The following TENM4 variants were observed in gnomAD, a reference collection of about 807,000 sequenced individuals.
TENM4 encodes the protein teneurin transmembrane protein 4, also known as teneurin-4.
TENM4 carries 82 observed loss-of-function variants against 243.3 expected under a neutral mutation model. That is an observed-to-expected ratio of 0.34 (90% CI 0.28 to 0.40). TENM4 has a LOEUF of 0.40. Ranked by LOEUF, TENM4 falls within the 10% of genes least tolerant of loss-of-function variation. TENM4 has a pLI of 1.00. For synonymous variants in TENM4, 1,412 were observed against 1,456.3 expected, an observed-to-expected ratio of 0.97 and a Z score of 0.69; for missense variants, 3,138 against 3,673.3, an observed-to-expected ratio of 0.85 and a Z score of 3.77.
chr11:78,888,174 G>A (rs567751143), intron 9 of TENM4, among the ~76,000 whole-genome samples: 2 of 152,340 alleles, frequency 1.3e-5, no homozygotes, highest in African/African-American at 4.8e-5. Context: ...CCATAGCAGG[G>A]ATGGCAAATA....
At chr11:79,220,529 T>C (rs1864136712) in intron 2 of TENM4, among the ~76,000 whole-genome samples, 1 of 152,214 alleles carries the variant, frequency 6.6e-6, no homozygotes, top group South Asian at 2.1e-4. Context: ...ATATACATAA[T>C]AATGTAGAAT....
At chr11:79,275,232 T>C (rs1354342220) in intron 2 of TENM4, among the ~76,000 whole-genome samples, 1 of 143,468 alleles carries the variant, frequency 7.0e-6, no homozygotes, top group Non-Finnish European at 1.5e-5. Context: ...GCGGGGTGTG[T>C]GTGTGTGTGT....
At chr11:78,811,996 G>A in intron 14 of TENM4, 126 bp downstream of exon 14, 1 of 1,219,830 alleles carries the variant, frequency 8.2e-7, no homozygotes, top group Non-Finnish European at 1.1e-6. Context: ...GTGGGCTCCT[G>A]GCTTGGGGAG....
chr11:78,982,267 G>C (rs1031219774), intron 6 of TENM4, among the ~76,000 whole-genome samples: 2 of 152,118 alleles, frequency 1.3e-5, no homozygotes, highest in Non-Finnish European at 2.9e-5. Context: ...CCCTGTTCTT[G>C]TGACACTCCT....
At chr11:79,129,530 T>C (rs12364393) in intron 4 of TENM4, among the ~76,000 whole-genome samples, 1 of 152,092 alleles carries the variant, frequency 6.6e-6, no homozygotes, top group Non-Finnish European at 1.5e-5. Context: ...GTGCTGTTTG[T>C]TGGGGGGTAG....
chr11:78,756,984 G>C lies in TENM4; in HGVS notation c.2577C>G (p.Leu859=), dbSNP rs764557829. 8.7e-6 allele frequency: 14 copies of C among 1,613,980 alleles called. No homozygotes were observed. The Admixed American group carries it at 2.3e-4, about 27-fold the overall frequency. ...GCGGGTTGATATGGCACAGGGGCTG[G>C]AGGCAGCAGTCAGGGTCCATGCAGT... ...LVDCMDPDCC[L]QPLCHINPLC... The change falls in exon 19 of 34, where the codon CTC becomes CTG. Residue 859 remains leucine, a synonymous_variant. Transcript: ENST00000278550.
In TENM4 at chr11:78,655,510, C is replaced by G. The variant is rs998013332; in HGVS notation, c.*2548G>C. The G allele has an allele frequency of 2.7e-5, 4 of 150,568 alleles. No homozygotes were observed. Among genetic ancestry groups the G allele is most frequent in the Non-Finnish European group, 5.9e-5 (4 of 67,840 alleles). 9.3% of individuals were successfully genotyped at this position (150,568 alleles called of 1,614,324 possible). A position where few individuals can be genotyped will look rare whatever the true frequency, so the allele number is the denominator to read the frequency against. ...TGGGCAACATAGTGAGACCCCATCT[C>G]TATGAAAAAAAAAAGAAAGAAAGAA... On this transcript the variant is annotated 3_prime_UTR_variant, in exon 34 of 34. Coordinates refer to ENST00000278550, the MANE Select transcript of TENM4 (RefSeq NM_001098816.3).
chr11:79,031,150 T>C (rs1859225380), intron 6 of TENM4, among the ~76,000 whole-genome samples: 1 of 152,100 alleles, frequency 6.6e-6, no homozygotes, highest in African/African-American at 2.4e-5. Context: ...CAGAAGTACT[T>C]AGCAAATGAT....
At chr11:79,170,429 AG>A (rs1863015109) in intron 3 of TENM4, among the ~76,000 whole-genome samples, 1 of 152,316 alleles carries the variant, frequency 6.6e-6, no homozygotes. Context: ...CCTAACCCCT[AG>A]TACCTTAGAA....
At chr11:79,332,920 C>T (rs1243985805) in intron 1 of TENM4, among the ~76,000 whole-genome samples, 1 of 152,124 alleles carries the variant, frequency 6.6e-6, no homozygotes, top group Admixed American at 6.5e-5. Context: ...ACCCGCCTGT[C>T]TCACTCTGAA....
intron 3 of TENM4, among the ~76,000 whole-genome samples, chr11:79,193,937 A>T (rs890785610): frequency 6.6e-6 from 1 of 152,032 alleles, no homozygotes; most frequent in Non-Finnish European, 1.5e-5. Context: ...GAGCAGGGGT[A>T]ATATGGTTTG....
Position 78,742,001 on chromosome 11 carries a change from A to G in TENM4, c.2757-3431T>C, listed in dbSNP as rs144892847. 7.5e-3 allele frequency among the ~76,000 whole-genome samples: 1,134 copies of G among 152,168 alleles called. 13 individuals are homozygous for G. The highest frequency in any genetic ancestry group is 0.026 in the African/African-American group (1,084 of 41,548). On this transcript the variant is annotated intron_variant, in intron 19 of 33. Coordinates refer to ENST00000278550, the MANE Select transcript of TENM4 (RefSeq NM_001098816.3). The stretch of plus-strand genomic sequence containing the variant: ...ATTTTCTACTCGTCCTTAGAGTCTC[A>G]TCTAAGCTGTCACCACCTCAGTAAG...
At chr11:79,056,634 T>C (rs751465554) in intron 6 of TENM4, among the ~76,000 whole-genome samples, 4 of 151,894 alleles carry the variant, frequency 2.6e-5, no homozygotes, top group Non-Finnish European at 4.4e-5. Flanking sequence ...TGAGATTGTA[T>C]CAAAAAATGA....
chr11:79,417,794 C>T (rs1858850058), intron 1 of TENM4, among the ~76,000 whole-genome samples: 1 of 152,174 alleles, frequency 6.6e-6, no homozygotes, highest in African/African-American at 2.4e-5. Flanking sequence ...CAGGTATGTG[C>T]TTTTCTGGAA....
In TENM4 at chr11:78,726,182, G is replaced by C; in HGVS notation, c.3447C>G (p.Ile1149Met). ...GYEYESCPDLILWEKRTTVLQ... is the reference protein window; with the variant it reads ...GYEYESCPDLMLWEKRTTVLQ... ...GCACTGTTGTTCTTTTTTCCCACAG[G>C]ATTAGATCTGGGCAGGATTCATATT... Residue 1149 changes from isoleucine (I) to methionine (M), a missense_variant, in exon 23 of 34, where the codon ATC (isoleucine) becomes ATG (methionine). Coordinates refer to ENST00000278550, the MANE Select transcript of TENM4 (RefSeq NM_001098816.3). The C allele has an allele frequency of 6.2e-7, 1 of 1,613,924 alleles. No homozygotes were observed. Among genetic ancestry groups the C allele is most frequent in the Non-Finnish European group, 8.5e-7 (1 of 1,179,864 alleles).
chr11:79,434,942 T>G (rs571587732), intron 1 of TENM4, among the ~76,000 whole-genome samples: 238 of 152,246 alleles, frequency 1.6e-3, no homozygotes, highest in Non-Finnish European at 2.6e-3. Flanking sequence ...AGTCAAAAAA[T>G]TAGGTACTCA....
chr11:79,098,918 C>G (rs1452132510), intron 4 of TENM4, among the ~76,000 whole-genome samples: 1 of 152,208 alleles, frequency 6.6e-6, no homozygotes, highest in Non-Finnish European at 1.5e-5. Flanking sequence ...CCTTCACTTT[C>G]CCCATCTATA....
At chr11:79,404,363 A>G (rs986766286) in intron 1 of TENM4, among the ~76,000 whole-genome samples, 1 of 152,236 alleles carries the variant, frequency 6.6e-6, no homozygotes, top group Admixed American at 6.5e-5. Context: ...AAGAAAACAT[A>G]AGGGTTAAAT....
intron 4 of TENM4, among the ~76,000 whole-genome samples, chr11:79,094,648 C>T (rs1861036497): frequency 6.6e-6 from 1 of 152,182 alleles, no homozygotes; most frequent in Non-Finnish European, 1.5e-5. Context: ...ACTGTCTCCC[C>T]AGCCTAGGAG....
Sources: allele counts gnomAD v4.1 joint callset (sites outside exome capture counted in the v4.1 genomes callset), GRCh38; gene constraint gnomAD v4.1.1; transcripts MANE v1.5; gene names NCBI Gene and HGNC (gene_info 2026-07-23, HGNC 2026-07-21).